KHDRBS3: variants seen among roughly 807,000 people sequenced by gnomAD.
The protein encoded by KHDRBS3 is KH RNA binding domain containing, signal transduction associated 3.
In KHDRBS3, 23 loss-of-function variants were observed where a neutral mutation model predicts 45.6. That is an observed-to-expected ratio of 0.50 (90% CI 0.36 to 0.72). The LOEUF (loss-of-function observed/expected upper bound fraction) is 0.72, where lower values mean the gene tolerates loss of function less well. Ranked by LOEUF, KHDRBS3 falls within the 30% of genes least tolerant of loss-of-function variation. KHDRBS3 has a pLI of 0.00. For synonymous variants in KHDRBS3, 162 were observed against 156.5 expected, an observed-to-expected ratio of 1.04 and a Z score of -0.26; for missense variants, 352 against 424.8, an observed-to-expected ratio of 0.83 and a Z score of 1.51.
chr8:135,516,019 C>T (rs182196080), intron 1 of KHDRBS3, among the ~76,000 whole-genome samples: 8 of 152,320 alleles, frequency 5.3e-5, no homozygotes, highest in Admixed American at 2.0e-4. Context: ...ATGGTGCAGC[C>T]GGCTTGCTGT....
chr8:135,479,475 G>A (rs1272980340), intron 1 of KHDRBS3, among the ~76,000 whole-genome samples: 1 of 152,138 alleles, frequency 6.6e-6, no homozygotes, highest in Admixed American at 6.5e-5. Flanking sequence ...TTCTTAGACC[G>A]AGTAATTCAT....
intron 7 of KHDRBS3, among the ~76,000 whole-genome samples, chr8:135,636,554 A>G (rs1329235044): frequency 1.3e-5 from 2 of 152,156 alleles, no homozygotes; most frequent in Non-Finnish European, 2.9e-5. Context: ...CACTTTAGAA[A>G]CCACTACCCT....
intron 5 of KHDRBS3, among the ~76,000 whole-genome samples, chr8:135,576,148 T>A (rs1223269448): frequency 6.6e-6 from 1 of 152,238 alleles, no homozygotes; most frequent in African/African-American, 2.4e-5. Context: ...TGCCACATCA[T>A]ATCAAGTATA....
At chr8:135,621,902 T>A (rs1830158789) in intron 7 of KHDRBS3, among the ~76,000 whole-genome samples, 1 of 151,794 alleles carries the variant, frequency 6.6e-6, no homozygotes, top group Non-Finnish European at 1.5e-5. Context: ...TTTTTTTTTG[T>A]TTTGGTTTTT....
At chr8:135,481,368 A>G (rs1822570866) in intron 1 of KHDRBS3, among the ~76,000 whole-genome samples, 1 of 151,640 alleles carries the variant, frequency 6.6e-6, no homozygotes. Context: ...ACCTACAGGA[A>G]ACTGCATTGT....
intron 7 of KHDRBS3, among the ~76,000 whole-genome samples, chr8:135,639,313 A>G (rs1441006193): frequency 6.6e-6 from 1 of 152,218 alleles, no homozygotes; most frequent in South Asian, 2.1e-4. Context: ...GCTAATGGCA[A>G]GATCCTAGAG....
chr8:135,651,030 G>A (rs150115699), downstream of KHDRBS3, among the ~76,000 whole-genome samples: 13 of 152,200 alleles, frequency 8.5e-5, no homozygotes, highest in Non-Finnish European at 1.5e-4. Context: ...GACCACGTCT[G>A]TAAAGCTCTG....
Position 135,457,871 on chromosome 8 carries a change from AGGAGAAGTACCTGCCCGAGCTGATGGC to A in KHDRBS3, c.13_39del (p.Tyr5_Lys13del). 1.3e-6 allele frequency: 2 copies of A among 1,584,126 alleles called. No homozygotes were observed. Among genetic ancestry groups the A allele is most frequent in the Non-Finnish European group, 1.7e-6 (2 of 1,166,684 alleles). ...CGGGCCCGGCGGCCGGCGAGCATGG[AGGAGAAGTACCTGCCCGAGCTGATGGC>A]GGAGAAGGACTCCCTGGACCCCTCC... is the stretch of plus-strand genomic sequence containing the variant. On this transcript the variant is annotated inframe_deletion, in exon 1 of 9. Transcript: ENST00000355849. The surrounding 1 kb of genome is among the most constrained non-coding windows in gnomAD (Gnocchi z 4.4).
intron 6 of KHDRBS3, among the ~76,000 whole-genome samples, chr8:135,582,811 T>C (rs1828281479): frequency 6.6e-6 from 1 of 152,218 alleles, no homozygotes; most frequent in African/African-American, 2.4e-5. Flanking sequence ...TAGGTTTTCA[T>C]TGTTTTACTT....
intron 7 of KHDRBS3, among the ~76,000 whole-genome samples, chr8:135,629,964 G>A (rs1021405043): frequency 5.9e-5 from 9 of 152,216 alleles, no homozygotes; most frequent in Non-Finnish European, 8.8e-5. Context: ...AACACCTCCC[G>A]AGGGGAAACA....
intron 7 of KHDRBS3, among the ~76,000 whole-genome samples, chr8:135,632,397 C>G (rs1830641682): frequency 6.6e-6 from 1 of 152,056 alleles, no homozygotes; most frequent in Admixed American, 6.6e-5. Flanking sequence ...AGGGGGCTCA[C>G]TCCTTTAACC....
intron 2 of KHDRBS3, among the ~76,000 whole-genome samples, chr8:135,530,603 T>G (rs1243972147): frequency 6.6e-6 from 1 of 152,222 alleles, no homozygotes; most frequent in Non-Finnish European, 1.5e-5. Context: ...AAATGGCCAC[T>G]GAACGCTTCC....
intron 1 of KHDRBS3, among the ~76,000 whole-genome samples, chr8:135,494,410 C>T (rs1279608785): frequency 6.6e-6 from 1 of 151,244 alleles, no homozygotes; most frequent in Non-Finnish European, 1.5e-5. Context: ...TCCTGAGTAG[C>T]TGGGGCTACA....
At chr8:135,644,967 A>T (rs1831220568) in intron 7 of KHDRBS3, 92 bp from the exon 8 acceptor site, 6 of 1,296,138 alleles carry the variant, frequency 4.6e-6, no homozygotes, top group Non-Finnish European at 6.6e-6. Context: ...GCCCTTCATT[A>T]GTTGTCTTTA....
At position 135,497,313 on chromosome 8, in the gene KHDRBS3, G is replaced by A. The variant is rs578218329; in HGVS notation, c.89-23924G>A. ...TGGATATGTCGGAAATGCTCCGGCA[G>A]TCCTAAAGGCAGGTTTAGAGGAGTA... On this transcript the variant is annotated intron_variant, in intron 1 of 8. Transcript: ENST00000355849. 2.0e-4 allele frequency among the ~76,000 whole-genome samples: 30 copies of A among 152,302 alleles called. 1 individual carries two copies. The highest frequency in any genetic ancestry group is 1.9e-3 in the South Asian group (9 of 4,828).
At chr8:135,512,438 G>GGGA (rs1824346391) in intron 1 of KHDRBS3, among the ~76,000 whole-genome samples, 1 of 117,350 alleles carries the variant, frequency 8.5e-6, no homozygotes, top group Admixed American at 8.5e-5. Context: ...TCGGGGGGGG[G>GGGA]GTAATAACTC....
downstream of KHDRBS3, among the ~76,000 whole-genome samples, chr8:135,650,097 A>G (rs1396403614): frequency 6.6e-6 from 1 of 152,032 alleles, no homozygotes; most frequent in Admixed American, 6.6e-5. Context: ...CTTGGAATTC[A>G]TTTATTTTCT....
intron 1 of KHDRBS3, chr8:135,458,617 C>G (rs1030554401): frequency 4.8e-5 from 16 of 336,304 alleles, no homozygotes; most frequent in African/African-American, 3.2e-4. Context: ...CCATGCCAAG[C>G]CTTGCAGGCT....
At chr8:135,472,683 G>T (rs1168863459) in intron 1 of KHDRBS3, among the ~76,000 whole-genome samples, 1 of 152,222 alleles carries the variant, frequency 6.6e-6, no homozygotes, top group Non-Finnish European at 1.5e-5. Flanking sequence ...TGTCATGCAG[G>T]AGAATGGCGT....
Sources: gnomAD v4.1 joint callset for allele counts (sites outside exome capture counted in the v4.1 genomes callset) on GRCh38, gnomAD v4.1.1 for gene constraint, Gnocchi (gnomAD v3.1) non-coding constraint, MANE v1.5 for transcripts, NCBI Gene and HGNC (gene_info 2026-07-23, HGNC 2026-07-21) for gene names.